STK3: variants seen among roughly 807,000 people sequenced by gnomAD.
The protein encoded by STK3 is serine/threonine kinase 3, also known as serine/threonine-protein kinase 3.
A neutral mutation model predicts 58.0 loss-of-function variants in STK3; 41 were observed. The ratio of observed to expected loss-of-function variants is 0.71; its 90% confidence interval spans 0.55 to 0.92. The LOEUF (loss-of-function observed/expected upper bound fraction) is 0.92. Among genes scored for constraint, STK3 ranks in the 40% least tolerant of loss-of-function variants. The pLI, the probability that STK3 is intolerant of heterozygous loss-of-function variation, is 0.00. For missense variants in STK3, 479 were observed against 602.7 expected (o/e 0.79, Z 2.15); for synonymous variants, 170 against 191.0 (o/e 0.89, Z 0.91).
intron 6 of STK3, among the ~76,000 whole-genome samples, chr8:98,611,356 C>T (rs1243288523): frequency 6.6e-6 from 1 of 151,822 alleles, no homozygotes; most frequent in Non-Finnish European, 1.5e-5. Context: ...AAAAGACACA[C>T]AGACATATAT....
chr8:98,756,166 T>A (rs1039966723), intron 3 of STK3, among the ~76,000 whole-genome samples: 2 of 151,074 alleles, frequency 1.3e-5, no homozygotes, highest in Non-Finnish European at 3.0e-5. Context: ...AAATTAAAAT[T>A]AAAAAATAAA....
At chr8:98,840,085 A>C (rs1157049651) in intron 3 of STK3, among the ~76,000 whole-genome samples, 2 of 152,160 alleles carry the variant, frequency 1.3e-5, no homozygotes, top group Admixed American at 6.6e-5. Flanking sequence ...CGTGGCTAAC[A>C]CCTGTAATCC....
At chr8:98,682,804 T>TA (rs576079572) in intron 6 of STK3, among the ~76,000 whole-genome samples, 58 of 152,212 alleles carry the variant, frequency 3.8e-4, no homozygotes, top group African/African-American at 1.3e-3. Context: ...TCCAAAAATG[T>TA]AAATTTTTAA....
At chr8:98,510,398 C>G (rs1434300337) in intron 10 of STK3, among the ~76,000 whole-genome samples, 2 of 151,968 alleles carry the variant, frequency 1.3e-5, no homozygotes, top group Non-Finnish European at 2.9e-5. Flanking sequence ...CCAAACAGCC[C>G]CCTGCTCCCT....
At chr8:98,892,825 A>G (rs904880657) in intron 1 of STK3, among the ~76,000 whole-genome samples, 3 of 152,214 alleles carry the variant, frequency 2.0e-5, no homozygotes, top group Non-Finnish European at 2.9e-5. Flanking sequence ...CAGTCACTCA[A>G]TAAATATTTG....
intron 6 of STK3, among the ~76,000 whole-genome samples, chr8:98,702,676 A>G (rs1825707650): frequency 6.6e-6 from 1 of 152,158 alleles, no homozygotes; most frequent in Non-Finnish European, 1.5e-5. Context: ...ACTGTTCTGG[A>G]GTGTTCCTAA....
At chr8:98,824,889 G>A (rs1369712351) in intron 1 of STK3, among the ~76,000 whole-genome samples, 2 of 152,250 alleles carry the variant, frequency 1.3e-5, no homozygotes, top group Non-Finnish European at 2.9e-5. Flanking sequence ...TTCTTGGGGA[G>A]AGAGGAATAC....
chr8:98,399,336 C>T (rs1225094225), downstream of STK3, among the ~76,000 whole-genome samples: 7 of 152,190 alleles, frequency 4.6e-5, no homozygotes, highest in African/African-American at 1.4e-4. Flanking sequence ...TACTGTGTGC[C>T]GGGCTACAAG....
downstream of STK3, among the ~76,000 whole-genome samples, chr8:98,396,807 C>A (rs1425095357): frequency 1.3e-5 from 2 of 152,216 alleles, no homozygotes; most frequent in African/African-American, 4.8e-5. Flanking sequence ...CTGATGACAA[C>A]CAAGGCAACT....
rs547983369 is a variant in STK3 at position 98,610,890 on chromosome 8, C to T, written c.685-14721G>A. Among the ~76,000 whole-genome samples the T allele has an allele frequency of 9.2e-5, 14 of 152,204 alleles. No individual in the cohort carries two copies. The South Asian group carries it at 2.5e-3, about 27-fold the overall frequency. On this transcript the variant is annotated intron_variant, in intron 6 of 10. Coordinates refer to ENST00000419617, the MANE Select transcript of STK3 (RefSeq NM_006281.4). ...GTTAAAATATTATGTCACTTTACAA[C>T]CAAAGTGCAAAGACTAAGTTGTTAT...
chr8:98,642,534 T>C (rs1587128622), intron 6 of STK3, among the ~76,000 whole-genome samples: 2 of 152,124 alleles, frequency 1.3e-5, no homozygotes, highest in Admixed American at 1.3e-4. Flanking sequence ...GTGGGAGAGA[T>C]TGTATAATTT....
intron 2 of STK3, among the ~76,000 whole-genome samples, chr8:98,774,229 G>T (rs2131485404): frequency 6.6e-6 from 1 of 152,100 alleles, no homozygotes; most frequent in Non-Finnish European, 1.5e-5. Flanking sequence ...TCCATTAAAT[G>T]CTCCCTACCT....
the STK3 span, among the ~76,000 whole-genome samples, chr8:98,355,867 A>C: frequency 6.6e-6 from 1 of 152,216 alleles, no homozygotes; most frequent in Non-Finnish European, 1.5e-5. Flanking sequence ...GCGCTATGTA[A>C]CCAGTTCTGG....
At chr8:98,636,165 C>T (rs888643563) in intron 6 of STK3, among the ~76,000 whole-genome samples, 2 of 151,916 alleles carry the variant, frequency 1.3e-5, no homozygotes, top group African/African-American at 4.8e-5. Context: ...CATAACAACT[C>T]CTCAGGATAA....
chr8:98,607,818 T>A (rs954952265), intron 6 of STK3, among the ~76,000 whole-genome samples: 6 of 152,214 alleles, frequency 3.9e-5, no homozygotes, highest in Non-Finnish European at 7.4e-5. Flanking sequence ...TGGTTTTTGA[T>A]AACAATTATA....
intron 6 of STK3, among the ~76,000 whole-genome samples, chr8:98,685,473 A>T (rs548046078): frequency 6.6e-4 from 100 of 152,264 alleles, no homozygotes; most frequent in African/African-American, 2.3e-3. Context: ...TTCATGTCTT[A>T]AAGAATAATA....
At chr8:98,433,650 A>T (rs1164357632) in intron 3 of STK3, among the ~76,000 whole-genome samples, 2 of 152,022 alleles carry the variant, frequency 1.3e-5, no homozygotes, top group African/African-American at 4.8e-5. Context: ...TAAAAACAGA[A>T]TTTCTGCATG....
intron 2 of STK3, among the ~76,000 whole-genome samples, chr8:98,374,210 A>G (rs1184373891): frequency 6.6e-6 from 1 of 152,254 alleles, no homozygotes; most frequent in East Asian, 1.9e-4. Flanking sequence ...ACTGGAATGA[A>G]AAAGCATCCT....
At chr8:98,570,506 A>C (rs930037887) in intron 8 of STK3, among the ~76,000 whole-genome samples, 1 of 152,148 alleles carries the variant, frequency 6.6e-6, no homozygotes, top group Non-Finnish European at 1.5e-5. Context: ...AACATATTTG[A>C]CCAGTTAAAA....
Sources: allele counts gnomAD v4.1 joint callset (sites outside exome capture counted in the v4.1 genomes callset), GRCh38; gene constraint gnomAD v4.1.1; transcripts MANE v1.5; gene names NCBI Gene and HGNC (gene_info 2026-07-23, HGNC 2026-07-21).